PHLDB2: variants seen among roughly 807,000 people sequenced by gnomAD.
PHLDB2 encodes pleckstrin homology like domain family B member 2.
Under a neutral mutation model 123.6 loss-of-function variants are expected in PHLDB2, and 71 were observed. The observed-to-expected ratio is 0.57, with a 90% CI of 0.47 to 0.70. The LOEUF is 0.70. PHLDB2 is among the 30% of genes least tolerant of loss of function. The probability of loss-of-function intolerance (pLI) is 0.00; values close to 1 mark genes in which losing one functional copy is unlikely to be tolerated. For missense variants in PHLDB2, 1,446 were observed against 1,519.5 expected (o/e 0.95, Z 0.80); for synonymous variants, 547 against 541.6 (o/e 1.01, Z -0.14).
At chr3:111,801,739 C>G (rs1232091447) in intron 1 of PHLDB2, among the ~76,000 whole-genome samples, 1 of 152,070 alleles carries the variant, frequency 6.6e-6, no homozygotes, top group Admixed American at 6.6e-5. Context: ...GAGACAGACA[C>G]AAGAGATCAC....
chr3:111,894,460 G>A (rs1366238426), intron 2 of PHLDB2, among the ~76,000 whole-genome samples: 1 of 151,782 alleles, frequency 6.6e-6, no homozygotes, highest in African/African-American at 2.4e-5. Context: ...GGTATTTCTA[G>A]TTCTAGATCC....
At chr3:111,942,646 A>T (rs1228224491) in intron 8 of PHLDB2, among the ~76,000 whole-genome samples, 1 of 152,072 alleles carries the variant, frequency 6.6e-6, no homozygotes, top group Non-Finnish European at 1.5e-5. Flanking sequence ...ATGCCTCCCA[A>T]GCATAGTGAC....
chr3:111,920,344 G>A lies in PHLDB2; in HGVS notation c.1926G>A (p.Lys642=). ...AATCTGAAACAACTGAACTTATGAA[G>A]GAGAAGGAGATTTTGGATCATCTAA... The part of the protein sequence containing the change: ...EQKSETTELM[K]EKEILDHLNR... Residue 642 remains lysine (K), a synonymous_variant, in exon 5 of 18, where the codon AAG becomes AAA. Coordinates refer to ENST00000431670, the MANE Select transcript of PHLDB2 (RefSeq NM_001134438.2). The A allele has an allele frequency of 1.2e-6, 2 of 1,613,998 alleles. No homozygotes were observed. The highest frequency in any genetic ancestry group is 1.6e-4 in the Middle Eastern group (1 of 6,062).
At chr3:111,805,725 G>A (rs1216792743) in intron 1 of PHLDB2, among the ~76,000 whole-genome samples, 2 of 149,112 alleles carry the variant, frequency 1.3e-5, no homozygotes, top group Non-Finnish European at 2.9e-5. Context: ...CAGAAAGCAG[G>A]TCAGTGGTGC....
At chr3:111,883,138 G>A (rs976516240) in intron 1 of PHLDB2, among the ~76,000 whole-genome samples, 1 of 152,096 alleles carries the variant, frequency 6.6e-6, no homozygotes, top group East Asian at 1.9e-4. Flanking sequence ...TTTTTTATCA[G>A]GTAGAATTAT....
rs1307078517 is a variant in PHLDB2 at position 111,949,082 on chromosome 3, A to T, written c.2631+7A>T. 6.2e-7 allele frequency: 1 copy of T among 1,612,896 alleles called. No individual in the cohort carries two copies. The highest frequency in any genetic ancestry group is 8.5e-7 in the Non-Finnish European group (1 of 1,179,690). ...CCAGCCACAGAGTAAAGAGGTGTGTAGGCATGACGTTTCATTCATTCACTG... is the reference window on the plus strand; with the variant it reads ...CCAGCCACAGAGTAAAGAGGTGTGTTGGCATGACGTTTCATTCATTCACTG... On this transcript the variant is annotated splice_region_variant and intron_variant, in intron 10 of 17. Transcript: ENST00000431670.
At chr3:111,804,397 G>A (rs751060717) in intron 1 of PHLDB2, among the ~76,000 whole-genome samples, 2 of 152,180 alleles carry the variant, frequency 1.3e-5, no homozygotes, top group Non-Finnish European at 2.9e-5. Context: ...CTTTGGCGAA[G>A]TTTTAACAAT....
At chr3:111,841,463 C>T (rs763477294) in intron 1 of PHLDB2, among the ~76,000 whole-genome samples, 11 of 152,186 alleles carry the variant, frequency 7.2e-5, no homozygotes, top group Non-Finnish European at 1.6e-4. Flanking sequence ...TGGAAGGTTG[C>T]ATCAAGATTG....
intron 2 of PHLDB2, among the ~76,000 whole-genome samples, chr3:111,909,153 C>G (rs2067726058): frequency 6.6e-6 from 1 of 152,186 alleles, no homozygotes; most frequent in Admixed American, 6.5e-5. Flanking sequence ...CCCAGTAGAG[C>G]AGACAGACTC....
Position 111,962,701 on chromosome 3 carries a change from G to A in PHLDB2, c.3077+389G>A, listed in dbSNP as rs1356284601. ...CCCAGCTACTTTGGGAGGCCAAGGT[G>A]AGTGGATCACCTGAGGTCAGGAGTT... On this transcript the variant is annotated intron_variant, in intron 13 of 17. Transcript: ENST00000431670. Among the ~76,000 whole-genome samples the A allele has an allele frequency of 1.3e-5, 2 of 152,162 alleles. 1 individual carries two copies. Among genetic ancestry groups the A allele is most frequent in the East Asian group, 3.9e-4 (2 of 5,174 alleles).
chr3:111,897,129 T>G (rs2107417450), intron 2 of PHLDB2, among the ~76,000 whole-genome samples: 1 of 152,326 alleles, frequency 6.6e-6, no homozygotes, highest in East Asian at 1.9e-4. Flanking sequence ...TAACCACTGA[T>G]TTCTTCTCCA....
chr3:111,889,650 C>T (rs907341466), intron 2 of PHLDB2, among the ~76,000 whole-genome samples: 5 of 152,126 alleles, frequency 3.3e-5, no homozygotes, highest in Admixed American at 6.5e-5. Flanking sequence ...TGCAATGAGC[C>T]ATGATCATGC....
intron 1 of PHLDB2, among the ~76,000 whole-genome samples, chr3:111,791,037 A>T (rs1218262377): frequency 6.6e-6 from 1 of 152,098 alleles, no homozygotes; most frequent in Non-Finnish European, 1.5e-5. Context: ...ATCTTCCCTA[A>T]CTTTTGGTAA....
intron 2 of PHLDB2, among the ~76,000 whole-genome samples, chr3:111,896,548 C>T (rs72938272): frequency 1.2e-4 from 18 of 151,834 alleles, no homozygotes; most frequent in Non-Finnish European, 2.5e-4. Flanking sequence ...GGTTTCGCCA[C>T]GTATGTTGGC....
intron 3 of PHLDB2, chr3:111,914,016 C>T (rs2068025601): frequency 6.2e-6 from 2 of 321,868 alleles, no homozygotes; most frequent in Admixed American, 4.7e-5. Flanking sequence ...TCTTACCTGC[C>T]TTCCTAATAT....
At chr3:111,787,766 C>A (rs766828291) in intron 1 of PHLDB2, among the ~76,000 whole-genome samples, 3 of 152,228 alleles carry the variant, frequency 2.0e-5, no homozygotes, top group African/African-American at 7.2e-5. Flanking sequence ...AGGACCACCC[C>A]GGGGTCGAGT....
At chr3:111,830,955 G>GAGAGAGAGAGAAAGAAAGAAAGAA (rs1553736315) in intron 1 of PHLDB2, among the ~76,000 whole-genome samples, 16 of 63,702 alleles carry the variant, frequency 2.5e-4, no homozygotes, top group East Asian at 6.1e-4. Context: ...AAGAAAGAAA[G>GAGAGAGAGAGAAAGAAAGAAAGAA]AGAAAGAAAG....
chr3:111,866,928 GGGGTGT>G (rs1406368106), intron 1 of PHLDB2, among the ~76,000 whole-genome samples: 1,114 of 81,174 alleles, frequency 0.014, 4 homozygotes, highest in Admixed American at 0.017. Flanking sequence ...AAGTTTCTAA[GGGGTGT>G]GTGTGTGTGT....
chr3:111,778,009 G>A (rs1307632122), intron 1 of PHLDB2, among the ~76,000 whole-genome samples: 2 of 151,792 alleles, frequency 1.3e-5, no homozygotes, highest in Non-Finnish European at 2.9e-5. Context: ...TGACTATATT[G>A]TGGAGAGCTC....
Sources: gnomAD v4.1 joint callset for allele counts (sites outside exome capture counted in the v4.1 genomes callset) on GRCh38, gnomAD v4.1.1 for gene constraint, MANE v1.5 for transcripts, NCBI Gene and HGNC (gene_info 2026-07-23, HGNC 2026-07-21) for gene names.